ENTPD7: variants seen among roughly 807,000 people sequenced by gnomAD.
The protein encoded by ENTPD7 is NTPDase 7.
A neutral mutation model predicts 77.9 loss-of-function variants in ENTPD7; 53 were observed. That is an observed-to-expected ratio of 0.68 (90% confidence interval 0.55 to 0.85). The LOEUF (loss-of-function observed/expected upper bound fraction) is 0.85. Among genes scored for constraint, ENTPD7 ranks in the 40% least tolerant of loss-of-function variants. ENTPD7 has a pLI of 0.00. For missense variants in ENTPD7, 636 were observed against 743.7 expected, an observed-to-expected ratio of 0.86 and a Z score of 1.68; for synonymous variants, 248 against 274.9, an observed-to-expected ratio of 0.90 and a Z score of 0.97.
intron 4 of ENTPD7, 38 bp from the exon 5 acceptor site, chr10:99,679,687 T>C (rs753988725): frequency 6.3e-7 from 1 of 1,585,978 alleles, no homozygotes; most frequent in Non-Finnish European, 8.6e-7. Flanking sequence ...AGCCGCTTTT[T>C]AAAGAAAGTT....
intron 8 of ENTPD7, among the ~76,000 whole-genome samples, chr10:99,694,364 T>TTTCA (rs1156570376): frequency 6.6e-6 from 1 of 152,202 alleles, no homozygotes; most frequent in Non-Finnish European, 1.5e-5. Context: ...GGTATGGGTA[T>TTTCA]TTCATTCCTT....
At chr10:99,685,479 T>G (rs1447293211) in intron 5 of ENTPD7, among the ~76,000 whole-genome samples, 1 of 152,212 alleles carries the variant, frequency 6.6e-6, no homozygotes, top group Non-Finnish European at 1.5e-5. Flanking sequence ...TCCTGTGGCT[T>G]GTTTGTACTC....
chr10:99,709,140 T>G lies in ENTPD7; in HGVS notation c.*4457T>G. On this transcript the variant is annotated 3_prime_UTR_variant, in exon 13 of 13. Transcript: ENST00000370489. ...TTACTACAACATCCAAGCAATTCATTAGATGACTACAGCCTAGATGAAGGT... is the reference window on the plus strand; with the variant it reads ...TTACTACAACATCCAAGCAATTCATGAGATGACTACAGCCTAGATGAAGGT... 3 of 984,352 alleles carry G rather than the reference T, an allele frequency of 3.0e-6. No individual in the cohort carries two copies. Among genetic ancestry groups the G allele is most frequent in the Non-Finnish European group, 3.6e-6 (3 of 828,928 alleles). 61.0% of individuals were successfully genotyped at this position (984,352 alleles called of 1,614,324 possible).
chr10:99,673,502 C>T (rs1044423147), intron 3 of ENTPD7, among the ~76,000 whole-genome samples: 3 of 152,128 alleles, frequency 2.0e-5, no homozygotes, highest in African/African-American at 7.2e-5. Flanking sequence ...GAAAACTGTT[C>T]TTTAGTTACT....
At position 99,700,393 on chromosome 10, in the gene ENTPD7, C is replaced by CGT. The variant is rs1274032554; in HGVS notation, c.1336-561_1336-560dup. 5.4e-3 allele frequency among the ~76,000 whole-genome samples: 561 copies of CGT among 103,622 alleles called. 5 individuals carry two copies. Among genetic ancestry groups the CGT allele is most frequent in the African/African-American group, 0.021 (502 of 23,506 alleles). The allele number at this position is 103,622 out of a possible 152,430, so 68.0% of individuals were successfully genotyped here. On this transcript the variant is annotated intron_variant, in intron 10 of 12. Coordinates refer to ENST00000370489, the MANE Select transcript of ENTPD7 (RefSeq NM_020354.5). ...TGAGCATTTATGTTATCCAACGTAC[C>CGT]GTGTGTGTGTGTGTGTGTGTATGTG...
At chr10:99,696,292 C>T (rs933488162) in intron 9 of ENTPD7, among the ~76,000 whole-genome samples, 170 bp downstream of exon 9, 1 of 152,184 alleles carries the variant, frequency 6.6e-6, no homozygotes, top group African/African-American at 2.4e-5. Context: ...CAGTCCCACT[C>T]TGGGTGAGGG....
rs182986010 is a variant in ENTPD7 at position 99,667,893 on chromosome 10, A to C, written c.191+6265A>C. ...CATATGTTGTTAAAACTGTTTTATT[A>C]CATAGTCTAAAAATTTATGTTAATG... On this transcript the variant is annotated intron_variant, in intron 3 of 12. Coordinates refer to ENST00000370489, the MANE Select transcript of ENTPD7 (RefSeq NM_020354.5). 5.8e-4 allele frequency among the ~76,000 whole-genome samples: 88 copies of C among 150,686 alleles called. No individual in the cohort carries two copies. In the East Asian group the frequency reaches 0.014, roughly 24 times the overall value.
At chr10:99,684,137 C>T (rs759278885) in intron 5 of ENTPD7, among the ~76,000 whole-genome samples, 1 of 152,168 alleles carries the variant, frequency 6.6e-6, no homozygotes, top group African/African-American at 2.4e-5. Flanking sequence ...CTCACTGCAA[C>T]CTCCACCTCC....
intron 2 of ENTPD7, chr10:99,660,182 G>A: frequency 5.1e-6 from 3 of 590,392 alleles, no homozygotes; most frequent in Non-Finnish European, 6.4e-6. Flanking sequence ...AGAGTGAGTC[G>A]GCTTGCTCAG....
At chr10:99,661,036 C>A (rs1031634915) in intron 2 of ENTPD7, among the ~76,000 whole-genome samples, 1 of 152,100 alleles carries the variant, frequency 6.6e-6, no homozygotes, top group Non-Finnish European at 1.5e-5. Flanking sequence ...ACTGATTTGT[C>A]TTTTACTATG....
chr10:99,696,057 C>T lies in ENTPD7; in HGVS notation c.945C>T (p.Phe315=), dbSNP rs61744356. 4,459 of 1,614,130 alleles carry T rather than the reference C, an allele frequency of 2.8e-3. 105 individuals are homozygous for T. The African/African-American group carries it at 0.049, about 18-fold the overall frequency. ...YRVYVTTFLG[F]GGNFARQRYE... is the part of the protein sequence containing the mutation. Reference sequence around the variant, plus strand: ...TTTATGTCACAACTTTTCTGGGTTTCGGAGGCAACTTTGCCCGGCAGCGCT... The same window carrying T: ...TTTATGTCACAACTTTTCTGGGTTTTGGAGGCAACTTTGCCCGGCAGCGCT... The change falls in exon 9 of 13, where the codon TTC becomes TTT. Residue 315 remains phenylalanine (F), a synonymous_variant. Coordinates refer to ENST00000370489, the MANE Select transcript of ENTPD7 (RefSeq NM_020354.5).
At chr10:99,665,172 A>G (rs1233412928) in intron 3 of ENTPD7, among the ~76,000 whole-genome samples, 2 of 151,400 alleles carry the variant, frequency 1.3e-5, no homozygotes, top group East Asian at 3.9e-4. Flanking sequence ...GGATCACTGG[A>G]GCCTGGGGAG....
intron 2 of ENTPD7, chr10:99,660,525 C>A: frequency 7.0e-6 from 2 of 284,244 alleles, no homozygotes; most frequent in Admixed American, 4.4e-5. Flanking sequence ...GGAATGGATA[C>A]GCACACACAC....
intron 3 of ENTPD7, among the ~76,000 whole-genome samples, chr10:99,664,031 T>C (rs1343395128): frequency 6.6e-6 from 1 of 152,200 alleles, no homozygotes; most frequent in Middle Eastern, 3.2e-3. Context: ...AGTATTTTTT[T>C]CTGTAGTGTT....
chr10:99,708,004 TG>T lies in ENTPD7; in HGVS notation c.*3323del, dbSNP rs2036286115. ...TTGGGGTACAGATCCCATCACCAGGTGGTGAGCATAGTACCTAACAGATAGT... is the reference window on the plus strand; with the variant it reads ...TTGGGGTACAGATCCCATCACCAGGTGTGAGCATAGTACCTAACAGATAGT... On this transcript the variant is annotated 3_prime_UTR_variant, in exon 13 of 13. Transcript: ENST00000370489. 6.6e-6 allele frequency among the ~76,000 whole-genome samples: 1 copy of T among 152,152 alleles called. No homozygotes were observed. Among genetic ancestry groups the T allele is most frequent in the East Asian group, 1.9e-4 (1 of 5,188 alleles).
At position 99,705,910 on chromosome 10, in the gene ENTPD7, C is replaced by T. The variant is rs1316481763; in HGVS notation, c.*1227C>T. The T allele has an allele frequency of 6.6e-6, 1 of 152,206 alleles. No individual in the cohort carries two copies. The highest frequency in any genetic ancestry group is 1.9e-4 in the East Asian group (1 of 5,180). The allele number at this position is 152,206 out of a possible 1,614,324, so 9.4% of individuals were successfully genotyped here. A position where few individuals can be genotyped will look rare whatever the true frequency, so the allele number is the denominator to read the frequency against. ...CCACTACCCTTCCAGAGCTTTGCTT[C>T]TCCTCCACATTTAGCCATTAAATTG... On this transcript the variant is annotated 3_prime_UTR_variant, in exon 13 of 13. Transcript: ENST00000370489.
chr10:99,692,175 T>C (rs1352238682), intron 8 of ENTPD7, among the ~76,000 whole-genome samples: 1 of 152,242 alleles, frequency 6.6e-6, no homozygotes. Context: ...AGGGAGACTG[T>C]AGCAGTGCTT....
rs1335350336 is a variant in ENTPD7, at chr10:99,710,735, A to G, written c.*6052A>G. ...AAGGGTAGCTGTAGATAAACTGGTT[A>G]TCCTAAAATCATGATTATCAGTGTT... is the stretch of plus-strand genomic sequence containing the variant. On this transcript the variant is annotated 3_prime_UTR_variant, in exon 13 of 13. Coordinates refer to ENST00000370489, the MANE Select transcript of ENTPD7 (RefSeq NM_020354.5). The G allele has an allele frequency of 2.0e-6, 2 of 985,306 alleles. No individual in the cohort carries two copies. Among genetic ancestry groups the G allele is most frequent in the African/African-American group, 3.5e-5 (2 of 57,236 alleles). The allele number at this position is 985,306 out of a possible 1,614,324, so 61.0% of individuals were successfully genotyped here. A position where few individuals can be genotyped will look rare whatever the true frequency, so the allele number is the denominator to read the frequency against.
rs749614688 is a variant in ENTPD7 at position 99,679,338 on chromosome 10, G to A, written c.269G>A (p.Cys90Tyr). 6.2e-7 allele frequency: 1 copy of A among 1,614,182 alleles called. No homozygotes were observed. The highest frequency in any genetic ancestry group is 1.1e-5 in the South Asian group (1 of 91,078). ...CTGAATTATGGACTTGTTGTTGACT[G>A]TGGCAGCAGTGGTTCCCGGATTTTT... ...PNLNYGLVVD[C>Y]GSSGSRIFVY... Residue 90 changes from cysteine (C) to tyrosine (Y), a missense_variant, in exon 4 of 13, where the codon TGT becomes TAT. This residue lies in a region of ENTPD7 where 486 missense variants were observed against 556.5 expected (regional missense o/e 0.87). Coordinates refer to ENST00000370489, the MANE Select transcript of ENTPD7 (RefSeq NM_020354.5).
Sources: gnomAD v4.1 joint callset for allele counts (sites outside exome capture counted in the v4.1 genomes callset) on GRCh38, gnomAD v4.1.1 for gene constraint, gnomAD v4.1.1 regional missense constraint, MANE v1.5 for transcripts, NCBI Gene and HGNC (gene_info 2026-07-23, HGNC 2026-07-21) for gene names.